The following AKT3 variants were observed in gnomAD, a reference collection of about 807,000 sequenced individuals.
AKT3 encodes RAC-gamma serine/threonine-protein kinase.
Under a neutral mutation model 65.3 loss-of-function variants are expected in AKT3, and 15 were observed. That is an observed-to-expected ratio of 0.23 (90% CI 0.15 to 0.35). The LOEUF (loss-of-function observed/expected upper bound fraction) is 0.35. Among genes scored for constraint, AKT3 ranks in the 10% least tolerant of loss-of-function variants. AKT3 has a pLI of 1.00. For synonymous variants in AKT3, 206 were observed against 183.8 expected (o/e 1.12, Z -0.98); for missense variants, 243 against 576.5 (o/e 0.42, Z 5.92).
At chr1:243,725,200 GA>G (rs894999022) in intron 2 of AKT3, among the ~76,000 whole-genome samples, 68 of 135,924 alleles carry the variant, frequency 5.0e-4, no homozygotes, top group Non-Finnish European at 6.3e-4. Context: ...TGTCTTTAAA[GA>G]AAAAAAAAAA....
At chr1:243,695,159 C>T (rs1029404831) in intron 3 of AKT3, among the ~76,000 whole-genome samples, 1 of 151,864 alleles carries the variant, frequency 6.6e-6, no homozygotes, top group Non-Finnish European at 1.5e-5. Context: ...CATAAAATCT[C>T]CCCAGAAGAT....
At chr1:243,575,543 C>A (rs1368802556) in intron 8 of AKT3, among the ~76,000 whole-genome samples, 6 of 151,920 alleles carry the variant, frequency 3.9e-5, no homozygotes, top group Non-Finnish European at 8.8e-5. Context: ...ACAATTCCTG[C>A]CATTAAGCAA....
chr1:243,807,792 C>T (rs995836936), intron 2 of AKT3, among the ~76,000 whole-genome samples: 1 of 152,210 alleles, frequency 6.6e-6, no homozygotes, highest in Non-Finnish European at 1.5e-5. Context: ...CCAGTAGGGG[C>T]AGACTGACAC....
At chr1:243,723,294 G>A (rs1339741595) in intron 2 of AKT3, among the ~76,000 whole-genome samples, 1 of 152,072 alleles carries the variant, frequency 6.6e-6, no homozygotes, top group Non-Finnish European at 1.5e-5. Flanking sequence ...ATAGATGCCT[G>A]TCACTATTCA....
chr1:243,571,980 T>C (rs1674594958), intron 9 of AKT3, among the ~76,000 whole-genome samples: 1 of 152,222 alleles, frequency 6.6e-6, no homozygotes, highest in Non-Finnish European at 1.5e-5. Context: ...AACTTCTGTT[T>C]CTACCAATCA....
chr1:243,639,004 T>C (rs892492677), intron 5 of AKT3, among the ~76,000 whole-genome samples: 1 of 151,808 alleles, frequency 6.6e-6, no homozygotes, highest in African/African-American at 2.4e-5. Context: ...GTCAGAAAAA[T>C]AGAGAAGACA....
intron 8 of AKT3, among the ~76,000 whole-genome samples, chr1:243,606,954 G>A (rs1165515534): frequency 6.6e-6 from 1 of 152,270 alleles, no homozygotes; most frequent in Admixed American, 6.5e-5. Context: ...CAAGCCCCAA[G>A]CATTGGCAGC....
chr1:243,593,542 CT>C, intron 8 of AKT3, among the ~76,000 whole-genome samples: 1 of 152,110 alleles, frequency 6.6e-6, no homozygotes, highest in Admixed American at 6.6e-5. Context: ...CAAAAATTAG[CT>C]GGGTGCAGTG....
At chr1:243,807,273 C>T (rs903379343) in intron 2 of AKT3, among the ~76,000 whole-genome samples, 3 of 152,180 alleles carry the variant, frequency 2.0e-5, no homozygotes, top group Non-Finnish European at 4.4e-5. Context: ...TCAGGGAATT[C>T]CCTTTCCTAG....
intron 5 of AKT3, among the ~76,000 whole-genome samples, chr1:243,642,302 CT>C (rs957424207): frequency 6.6e-6 from 1 of 151,914 alleles, no homozygotes; most frequent in African/African-American, 2.4e-5. Flanking sequence ...ACAGTAAGTC[CT>C]TTTTTTTGTT....
chr1:243,811,708 T>TGC (rs1303225591), intron 2 of AKT3, among the ~76,000 whole-genome samples: 3 of 152,182 alleles, frequency 2.0e-5, no homozygotes, highest in Admixed American at 6.6e-5. Context: ...GAGCCTGCAT[T>TGC]GCCAAGTCAA....
chr1:243,804,295 T>C (rs566939516), intron 2 of AKT3, among the ~76,000 whole-genome samples: 9 of 152,350 alleles, frequency 5.9e-5, no homozygotes, highest in African/African-American at 1.4e-4. Flanking sequence ...ATTTTGTCTA[T>C]CTAAAATATA....
At chr1:243,744,606 G>A (rs1688363249) in intron 2 of AKT3, among the ~76,000 whole-genome samples, 2 of 151,012 alleles carry the variant, frequency 1.3e-5, no homozygotes, top group South Asian at 4.2e-4. Flanking sequence ...GGGCGTAGTG[G>A]CGGGCGCCTG....
chr1:243,499,989 C>T lies in AKT3; in HGVS notation c.*5260G>A, dbSNP rs1669096253. ...AGTCTGACTCTAGCTGAGCAGAGCT[C>T]CTGGTGTATGTTTTCAGAAATGGCT... On this transcript the variant is annotated 3_prime_UTR_variant, in exon 14 of 14. Transcript: ENST00000673466. The T allele has an allele frequency of 8.2e-6, 5 of 609,176 alleles. No homozygotes were observed. The South Asian group carries it at 1.0e-4, about 12-fold the overall frequency. 37.7% of individuals were successfully genotyped at this position (609,176 alleles called of 1,614,324 possible). A position where few individuals can be genotyped will look rare whatever the true frequency, so the allele number is the denominator to read the frequency against.
downstream of AKT3, among the ~76,000 whole-genome samples, chr1:243,494,970 A>G (rs947880483): frequency 6.6e-6 from 1 of 152,182 alleles, no homozygotes; most frequent in African/African-American, 2.4e-5. Flanking sequence ...CAGAGGCTCC[A>G]CTCTCTGCTG....
At chr1:243,583,195 T>TATATACACACACAC (rs759291565) in intron 8 of AKT3, among the ~76,000 whole-genome samples, 4 of 88,324 alleles carry the variant, frequency 4.5e-5, no homozygotes, top group African/African-American at 2.0e-4. Flanking sequence ...TATATATATA[T>TATATACACACACAC]ACACACACAC....
In AKT3 at chr1:243,501,919, T is replaced by C. The variant is rs987239709; in HGVS notation, c.*3330A>G. 3 of 232,538 alleles carry C rather than the reference T, an allele frequency of 1.3e-5. No individual in the cohort carries two copies. Among genetic ancestry groups the C allele is most frequent in the Admixed American group, 1.1e-4 (2 of 17,768 alleles). 14.4% of individuals were successfully genotyped at this position (232,538 alleles called of 1,614,324 possible). A position where few individuals can be genotyped will look rare whatever the true frequency, so the allele number is the denominator to read the frequency against. ...CTTGTGGGTCATATACTTCAGGAAA[T>C]AGACAGGTTTAGTATGACCAACAGT... On this transcript the variant is annotated 3_prime_UTR_variant, in exon 14 of 14. Transcript: ENST00000673466.
chr1:243,769,411 C>A (rs2148271724), intron 2 of AKT3, among the ~76,000 whole-genome samples: 1 of 152,304 alleles, frequency 6.6e-6, no homozygotes, highest in Non-Finnish European at 1.5e-5. Context: ...TACCATTTTA[C>A]AAACCTACCA....
intron 2 of AKT3, among the ~76,000 whole-genome samples, chr1:243,748,114 G>A (rs78610330): frequency 1.3e-5 from 2 of 152,202 alleles, no homozygotes; most frequent in East Asian, 3.9e-4. Flanking sequence ...AGCATGCCTG[G>A]GTATTGTTTA....
Sources: gnomAD v4.1 joint callset for allele counts (sites outside exome capture counted in the v4.1 genomes callset) on GRCh38, gnomAD v4.1.1 for gene constraint, MANE v1.5 for transcripts, NCBI Gene and HGNC (gene_info 2026-07-23, HGNC 2026-07-21) for gene names.